Variants in MAP3K13 observed in about 807,000 individuals in gnomAD.
MAP3K13 encodes the protein mitogen-activated protein kinase kinase kinase 13, also known as leucine zipper-bearing kinase.
MAP3K13 carries 52 observed loss-of-function variants against 104.0 expected under a neutral mutation model. That is an observed-to-expected ratio of 0.50 (90% CI 0.40 to 0.63). The LOEUF (loss-of-function observed/expected upper bound fraction) is 0.63, where lower values mean the gene tolerates loss of function less well. Ranked by LOEUF, MAP3K13 falls within the 20% of genes least tolerant of loss-of-function variation. MAP3K13 has a pLI of 0.00. For missense variants in MAP3K13, 914 were observed against 1,218.5 expected (o/e 0.75, Z 3.72); for synonymous variants, 394 against 442.2 (o/e 0.89, Z 1.37).
chr3:185,288,812 G>C (rs1233510829), intron 2 of MAP3K13, among the ~76,000 whole-genome samples: 3 of 152,066 alleles, frequency 2.0e-5, no homozygotes, highest in African/African-American at 7.2e-5. Context: ...GTTTTGTGTT[G>C]TTTTGGGGAG....
At chr3:185,302,926 A>C (rs1021095002) in intron 2 of MAP3K13, among the ~76,000 whole-genome samples, 2 of 152,144 alleles carry the variant, frequency 1.3e-5, no homozygotes, top group African/African-American at 4.8e-5. Context: ...TATTAAAGGG[A>C]AAGTTTTCAG....
chr3:185,463,687 C>A (rs1257840575), intron 8 of MAP3K13, 28 bp downstream of exon 8: 1 of 1,366,860 alleles, frequency 7.3e-7, no homozygotes, highest in South Asian at 1.2e-5. Flanking sequence ...TCCCCACCTC[C>A]CTTCATCCCC....
chr3:185,395,831 C>T (rs1181529655), intron 1 of MAP3K13, among the ~76,000 whole-genome samples: 6 of 151,832 alleles, frequency 4.0e-5, no homozygotes, highest in African/African-American at 1.5e-4. Context: ...ATTACAGGCA[C>T]GCATGCTCGG....
In MAP3K13 at chr3:185,423,279, C is replaced by G. The variant is rs1230301249; in HGVS notation, c.-85-5218C>G. 1.3e-5 allele frequency among the ~76,000 whole-genome samples: 2 copies of G among 152,134 alleles called. No homozygotes were observed. Among genetic ancestry groups the G allele is most frequent in the African/African-American group, 2.4e-5 (1 of 41,400 alleles). On this transcript the variant is annotated intron_variant, in intron 1 of 13. Coordinates refer to ENST00000265026, the MANE Select transcript of MAP3K13 (RefSeq NM_004721.5). The surrounding 1 kb of genome is among the most constrained non-coding windows in gnomAD (Gnocchi z 4.1). Reference sequence around the variant, plus strand: ...GTAGTGTCTTCCACAAAACTGGTCCCTGGTGCCAAAGAGGTTGGGGACTGC... The same window carrying G: ...GTAGTGTCTTCCACAAAACTGGTCCGTGGTGCCAAAGAGGTTGGGGACTGC...
Position 185,428,763 on chromosome 3 carries a change from A to T in MAP3K13, c.182A>T (p.His61Leu). The change falls in exon 2 of 14, where the codon CAC becomes CTC. Residue 61 changes from histidine (H) to leucine (L), a missense_variant. His to Leu is a moderately conservative substitution (Grantham distance 99). This residue lies in a region of MAP3K13 where 156 missense variants were observed against 159.8 expected (regional missense o/e 0.98). Transcript: ENST00000265026. The part of the protein sequence containing the change: ...MVRTELIESV[H>L]SPVTTTVLTS... The stretch of plus-strand genomic sequence containing the variant: ...CGAACAGAGCTAATCGAGAGCGTGC[A>T]CAGCCCCGTCACCACAACAGTGTTG... 1.2e-6 allele frequency: 2 copies of T among 1,614,222 alleles called. No homozygotes were observed. Among genetic ancestry groups the T allele is most frequent in the Non-Finnish European group, 1.7e-6 (2 of 1,180,036 alleles).
chr3:185,319,988 G>A (rs768404566), intron 2 of MAP3K13, among the ~76,000 whole-genome samples: 25 of 152,084 alleles, frequency 1.6e-4, no homozygotes, highest in Non-Finnish European at 3.5e-4. Flanking sequence ...TTCCAAGTTG[G>A]GTATTGCATT....
chr3:185,385,244 G>A lies in MAP3K13; in HGVS notation c.-86+21876G>A, dbSNP rs138629759. 3.5e-4 allele frequency among the ~76,000 whole-genome samples: 53 copies of A among 152,186 alleles called. 1 individual carries two copies. The highest frequency in any genetic ancestry group is 1.5e-3 in the East Asian group (8 of 5,164). On this transcript the variant is annotated intron_variant, in intron 1 of 13. Transcript: ENST00000265026. ...TGGCTCACTGCAACCTCTGCCTCCCGGATTCAAGTGATTCTCCTGCCTCAG... is the reference window on the plus strand; with the variant it reads ...TGGCTCACTGCAACCTCTGCCTCCCAGATTCAAGTGATTCTCCTGCCTCAG...
At chr3:185,374,741 TA>T in intron 1 of MAP3K13, among the ~76,000 whole-genome samples, 1 of 151,432 alleles carries the variant, frequency 6.6e-6, no homozygotes. Flanking sequence ...ACTCTTCATT[TA>T]AAAACATAGA....
At chr3:185,356,184 TAGAAGAC>T (rs1723345070) in intron 2 of MAP3K13, among the ~76,000 whole-genome samples, 1 of 150,996 alleles carries the variant, frequency 6.6e-6, no homozygotes, top group Non-Finnish European at 1.5e-5. Context: ...ATGTGAGAGT[TAGAAGAC>T]AGAATTTGAA....
intron 2 of MAP3K13, among the ~76,000 whole-genome samples, chr3:185,331,490 A>ATG (rs1246970440): frequency 2.5e-5 from 3 of 121,132 alleles, no homozygotes; most frequent in African/African-American, 8.8e-5. Flanking sequence ...CTGTGTGTGT[A>ATG]TGTGTGTGTG....
chr3:185,444,377 AG>A (rs1261722744), intron 4 of MAP3K13, among the ~76,000 whole-genome samples: 2 of 152,082 alleles, frequency 1.3e-5, no homozygotes, highest in Admixed American at 6.6e-5. Context: ...AAAAATAAAA[AG>A]AAGCAGAGGC....
At position 185,451,386 on chromosome 3, in the gene MAP3K13, C is replaced by G. The variant is rs1198067962; in HGVS notation, c.1269C>G (p.Phe423Leu). The G allele has an allele frequency of 1.9e-6, 3 of 1,610,378 alleles. No homozygotes were observed. Among genetic ancestry groups the G allele is most frequent in the East Asian group, 4.5e-5 (2 of 44,860 alleles). ...TTGCCACCCCACAAGAAACTTACTT[C>G]AAGTCTCAGGTAAGTTGGGAAACTT... Reference protein sequence around the residue: ...DVLATPQETYFKSQAEWREEV... With the variant: ...DVLATPQETYLKSQAEWREEV... Residue 423 changes from phenylalanine to leucine, a missense_variant, in exon 7 of 14, where the codon TTC (phenylalanine) becomes TTG (leucine). By Grantham distance (22) the Phe-to-Leu change is conservative. Around this residue, in one of 3 missense-constraint regions of MAP3K13, gnomAD observed 583 missense variants for 737.4 expected, o/e 0.79. Coordinates refer to ENST00000265026, the MANE Select transcript of MAP3K13 (RefSeq NM_004721.5).
chr3:185,463,340 G>A (rs931012029), intron 7 of MAP3K13, among the ~76,000 whole-genome samples: 1 of 152,160 alleles, frequency 6.6e-6, no homozygotes, highest in Admixed American at 6.6e-5. Flanking sequence ...ATCATATATT[G>A]GAGTAGAAAT....
At chr3:185,305,938 TC>T in intron 2 of MAP3K13, among the ~76,000 whole-genome samples, 1 of 152,286 alleles carries the variant, frequency 6.6e-6, no homozygotes, top group African/African-American at 2.4e-5. Flanking sequence ...CCCCTTCCTC[TC>T]CTGTCTGCTA....
chr3:185,395,638 G>A (rs1337773384), intron 1 of MAP3K13, among the ~76,000 whole-genome samples: 7 of 150,960 alleles, frequency 4.6e-5, no homozygotes, highest in Middle Eastern at 3.4e-3. Flanking sequence ...GATTACAGGC[G>A]TGAGCCACCG....
intron 1 of MAP3K13, among the ~76,000 whole-genome samples, chr3:185,390,262 T>G (rs1183622591): frequency 6.6e-6 from 1 of 152,136 alleles, no homozygotes; most frequent in Non-Finnish European, 1.5e-5. Context: ...CATATTTAAT[T>G]CTCACAGCAG....
intron 2 of MAP3K13, among the ~76,000 whole-genome samples, chr3:185,307,544 C>CT (rs1560041639): frequency 7.1e-5 from 3 of 42,490 alleles, no homozygotes; most frequent in South Asian, 9.0e-4. Context: ...GTGCACCACC[C>CT]CCTCCCCCGC....
chr3:185,457,294 G>A (rs935148274), intron 7 of MAP3K13, among the ~76,000 whole-genome samples: 4 of 152,214 alleles, frequency 2.6e-5, no homozygotes, highest in African/African-American at 9.6e-5. Flanking sequence ...GAAGAGGGGA[G>A]AAGAAAACTG....
chr3:185,406,218 ACT>A (rs1713107043), intron 1 of MAP3K13, among the ~76,000 whole-genome samples: 1 of 152,098 alleles, frequency 6.6e-6, no homozygotes, highest in Middle Eastern at 3.4e-3. Context: ...GTGCCACTTG[ACT>A]CTTAATTTAG....
Sources: gnomAD v4.1 joint callset for allele counts (sites outside exome capture counted in the v4.1 genomes callset) on GRCh38, gnomAD v4.1.1 for gene constraint, gnomAD v4.1.1 regional missense constraint, Gnocchi (gnomAD v3.1) non-coding constraint, MANE v1.5 for transcripts, NCBI Gene and HGNC (gene_info 2026-07-23, HGNC 2026-07-21) for gene names.